NTRK2: variants seen among roughly 807,000 people sequenced by gnomAD.
The protein encoded by NTRK2 is neurotrophic receptor tyrosine kinase 2, also known as BDNF/NT-3 growth factors receptor.
Under a neutral mutation model 94.5 loss-of-function variants are expected in NTRK2, and 13 were observed. The ratio of observed to expected loss-of-function variants is 0.14; its 90% CI spans 0.09 to 0.22. The LOEUF (loss-of-function observed/expected upper bound fraction) is 0.22. Ranked by LOEUF, NTRK2 falls within the 10% of genes least tolerant of loss-of-function variation. The probability of loss-of-function intolerance (pLI) is 1.00; values close to 1 mark genes in which losing one functional copy is unlikely to be tolerated. For synonymous variants in NTRK2, 372 were observed against 407.4 expected (o/e 0.91, Z 1.05); for missense variants, 639 against 1,071.2 (o/e 0.60, Z 5.63).
At chr9:84,872,724 GT>G in intron 14 of NTRK2, 1 of 1,064,930 alleles carries the variant, frequency 9.4e-7, no homozygotes, top group Non-Finnish European at 1.1e-6. Context: ...GTATATGTGT[GT>G]TTGTGTGTGC....
chr9:84,725,656 T>C (rs914962356), intron 8 of NTRK2, among the ~76,000 whole-genome samples: 7 of 148,342 alleles, frequency 4.7e-5, no homozygotes, highest in Non-Finnish European at 7.4e-5. Context: ...ATATTATATA[T>C]ATATTATGTA....
chr9:84,965,187 A>G (rs1203175375), intron 17 of NTRK2, among the ~76,000 whole-genome samples: 1 of 152,214 alleles, frequency 6.6e-6, no homozygotes, highest in Admixed American at 6.5e-5. Context: ...GAATATTAGT[A>G]ATGCTACCCA....
At chr9:84,978,799 G>T (rs551284636) in intron 17 of NTRK2, among the ~76,000 whole-genome samples, 2 of 152,332 alleles carry the variant, frequency 1.3e-5, no homozygotes, top group Admixed American at 1.3e-4. Flanking sequence ...TGCAGCTGGT[G>T]ACTTTAAGTT....
Position 84,670,688 on chromosome 9 carries a change from TG to T in NTRK2, c.-56del, listed in dbSNP as rs1158983341. The T allele has an allele frequency of 1.9e-6, 3 of 1,544,362 alleles. No homozygotes were observed. Among genetic ancestry groups the T allele is most frequent in the Non-Finnish European group, 8.9e-7 (1 of 1,125,514 alleles). On this transcript the variant is annotated 5_prime_UTR_variant, in exon 2 of 19. Transcript: ENST00000277120. ...CGCAGGGAAGGCCTCCCCGCACGGG[TG>T]GGGGAAAGCGGCCGGTGCAGCGCGG...
At chr9:84,711,478 A>T (rs1176676895) in intron 6 of NTRK2, among the ~76,000 whole-genome samples, 1 of 152,204 alleles carries the variant, frequency 6.6e-6, no homozygotes, top group African/African-American at 2.4e-5. Flanking sequence ...TTAGGATTTT[A>T]CTAGTCTTCA....
chr9:84,951,581 C>A (rs1396590302), intron 16 of NTRK2, among the ~76,000 whole-genome samples: 4 of 152,178 alleles, frequency 2.6e-5, no homozygotes, highest in Admixed American at 2.6e-4. Context: ...GACTCTTTCA[C>A]TTTCTCACTC....
At chr9:84,928,724 A>G (rs968081217) in intron 14 of NTRK2, among the ~76,000 whole-genome samples, 6 of 152,156 alleles carry the variant, frequency 3.9e-5, no homozygotes, top group African/African-American at 1.4e-4. Context: ...TTCTTTTCCT[A>G]TCACAGTATT....
At chr9:84,862,390 A>G (rs189207213) in intron 13 of NTRK2, among the ~76,000 whole-genome samples, 1 of 152,324 alleles carries the variant, frequency 6.6e-6, no homozygotes, top group Admixed American at 6.5e-5. Context: ...CTCCCATGAC[A>G]GTCCTATAAG....
intron 14 of NTRK2, among the ~76,000 whole-genome samples, chr9:84,931,044 C>T (rs1016777631): frequency 2.0e-5 from 3 of 152,158 alleles, no homozygotes; most frequent in East Asian, 1.9e-4. Context: ...ATTGTATGCA[C>T]AGCACTGTGA....
chr9:84,843,135 G>T lies in NTRK2; in HGVS notation c.1397-17905G>T, dbSNP rs147890212. ...GAGGAGCTAATAAAATGCCTCATGC[G>T]TATAAAGAACTCAGTAGGTGCTAAT... is the stretch of plus-strand genomic sequence containing the variant. On this transcript the variant is annotated intron_variant, in intron 12 of 18. Transcript: ENST00000277120. Among the ~76,000 whole-genome samples the T allele has an allele frequency of 3.3e-5, 5 of 152,276 alleles. No homozygotes were observed. The East Asian group carries it at 9.7e-4, about 29-fold the overall frequency.
At chr9:84,810,582 G>A in intron 12 of NTRK2, 1 of 1,613,998 alleles carries the variant, frequency 6.2e-7, no homozygotes. Context: ...ATGGGTAGCT[G>A]AAATAAAGGA....
intron 3 of NTRK2, 52 bp downstream of exon 3, chr9:84,702,285 G>T (rs1280340060): frequency 6.2e-6 from 10 of 1,609,876 alleles, no homozygotes; most frequent in South Asian, 3.3e-5. Context: ...CCTGTTGTCT[G>T]CTCTGGTCAG....
chr9:84,675,429 C>A (rs1554687799), intron 2 of NTRK2, among the ~76,000 whole-genome samples: 1 of 135,450 alleles, frequency 7.4e-6, no homozygotes, highest in Admixed American at 8.5e-5. Flanking sequence ...CATTATCAAA[C>A]CATTATTGAA....
intron 2 of NTRK2, among the ~76,000 whole-genome samples, 191 bp from the exon 3 acceptor site, chr9:84,701,968 G>T (rs1339350023): frequency 6.6e-6 from 1 of 152,196 alleles, no homozygotes; most frequent in Non-Finnish European, 1.5e-5. Context: ...TATTGACCAT[G>T]AAACCTGGTC....
chr9:84,969,665 A>G (rs1259110941), intron 17 of NTRK2, among the ~76,000 whole-genome samples: 4 of 152,236 alleles, frequency 2.6e-5, no homozygotes, highest in Admixed American at 1.3e-4. Flanking sequence ...GATAATCTAT[A>G]ACAATAATAA....
At chr9:84,860,614 A>G (rs111990849) in intron 12 of NTRK2, among the ~76,000 whole-genome samples, 12 of 152,230 alleles carry the variant, frequency 7.9e-5, no homozygotes, top group African/African-American at 2.9e-4. Context: ...GCATTTGTCA[A>G]ATGCATTGTG....
Position 84,948,550 on chromosome 9 carries a change from A to G in NTRK2, c.1853A>G (p.Lys618Arg), listed in dbSNP as rs202136187. Reference protein sequence around the residue: ...LTNLQHEHIVKFYGVCVEGDP... With the variant: ...LTNLQHEHIVRFYGVCVEGDP... ...AACCTCCAGCATGAGCACATCGTCAAGTTCTATGGCGTCTGCGTGGAGGGC... is the reference window on the plus strand; with the variant it reads ...AACCTCCAGCATGAGCACATCGTCAGGTTCTATGGCGTCTGCGTGGAGGGC... Residue 618 changes from lysine to arginine, a missense_variant, in exon 16 of 19, where the codon AAG becomes AGG. Transcript: ENST00000277120. The G allele has an allele frequency of 1.7e-5, 28 of 1,613,930 alleles. No individual in the cohort carries two copies. The highest frequency in any genetic ancestry group is 2.3e-5 in the Non-Finnish European group (27 of 1,180,036).
intron 12 of NTRK2, among the ~76,000 whole-genome samples, chr9:84,797,317 T>G (rs2069450961): frequency 6.6e-6 from 1 of 151,516 alleles, no homozygotes; most frequent in African/African-American, 2.4e-5. Context: ...AATGGCAGAA[T>G]GAGCAGTTGT....
At chr9:84,705,195 C>A (rs1488117558) in intron 4 of NTRK2, among the ~76,000 whole-genome samples, 1 of 152,034 alleles carries the variant, frequency 6.6e-6, no homozygotes, top group Non-Finnish European at 1.5e-5. Context: ...ACTTTCACCA[C>A]TTCTCCCCCT....
Sources: gnomAD v4.1 joint callset for allele counts (sites outside exome capture counted in the v4.1 genomes callset) on GRCh38, gnomAD v4.1.1 for gene constraint, MANE v1.5 for transcripts, NCBI Gene and HGNC (gene_info 2026-07-23, HGNC 2026-07-21) for gene names.